Variants in IL1RAPL1 observed in about 807,000 individuals in gnomAD.
The protein encoded by IL1RAPL1 is interleukin 1 receptor accessory protein like 1, also known as interleukin-1 receptor accessory protein-like 1.
IL1RAPL1 carries 3 observed loss-of-function variants against 48.4 expected under a neutral mutation model. The ratio of observed to expected loss-of-function variants is 0.06; its 90% confidence interval spans 0.03 to 0.16. IL1RAPL1 has a LOEUF of 0.16. Ranked by LOEUF, IL1RAPL1 falls within the 10% of genes least tolerant of loss-of-function variation. The pLI, the probability that IL1RAPL1 is intolerant of heterozygous loss-of-function variation, is 1.00. For synonymous variants in IL1RAPL1, 185 were observed against 187.7 expected, an observed-to-expected ratio of 0.99 and a Z score of 0.12; for missense variants, 349 against 530.6, an observed-to-expected ratio of 0.66 and a Z score of 3.36.
At chrX:28,967,628 GCACTTGACATTTAAATACCTAGAT>G (rs1924952418) in intron 2 of IL1RAPL1, among the ~76,000 whole-genome samples, 1 of 111,277 alleles carries the variant, frequency 9.0e-6, no homozygotes, top group Admixed American at 9.6e-5. Flanking sequence ...ATCATTACAA[GCACTTGACATTTAAATACCTAGAT>G]CAAACCATTC....
At chrX:29,233,799 C>G (rs1602126022) in intron 2 of IL1RAPL1, among the ~76,000 whole-genome samples, 1 of 112,468 alleles carries the variant, frequency 8.9e-6, no homozygotes, top group Admixed American at 9.4e-5. Context: ...CTGGGTGGGC[C>G]TGACTTTATC....
At chrX:28,950,273 G>A (rs997557579) in intron 2 of IL1RAPL1, among the ~76,000 whole-genome samples, 1 of 65,149 alleles carries the variant, frequency 1.5e-5, no homozygotes, top group Non-Finnish European at 2.8e-5. Flanking sequence ...TATTTCTGAG[G>A]GCTCTGTTCT....
At chrX:29,488,646 CATATAACTATGAGAGGTGGTGCAT>C (rs1935123164) in intron 5 of IL1RAPL1, among the ~76,000 whole-genome samples, 1 of 104,038 alleles carries the variant, frequency 9.6e-6, no homozygotes, top group African/African-American at 3.5e-5. Flanking sequence ...AGGTGGTGCA[CATATAACTATGAGAGGTGGTGCAT>C]ATATAACTAT....
chrX:29,668,752 A>G (rs757977228), intron 6 of IL1RAPL1, among the ~76,000 whole-genome samples: 2 of 111,721 alleles, frequency 1.8e-5, no homozygotes, highest in Non-Finnish European at 3.8e-5. Flanking sequence ...AGATAGGCTG[A>G]TGATTTTAGT....
At chrX:29,311,944 A>G (rs780644470) in intron 3 of IL1RAPL1, among the ~76,000 whole-genome samples, 2 of 112,152 alleles carry the variant, frequency 1.8e-5, no homozygotes, top group Admixed American at 9.5e-5. Context: ...GGGCTTGGCA[A>G]TATTGAGATA....
chrX:29,823,260 T>A (rs1358101586), intron 6 of IL1RAPL1, among the ~76,000 whole-genome samples: 1 of 111,698 alleles, frequency 9.0e-6, no homozygotes, highest in East Asian at 2.8e-4. Context: ...ATTTAATTGG[T>A]CACATGGAAG....
chrX:29,802,775 ATATATATGTGTG>A (rs1469340105), intron 6 of IL1RAPL1, among the ~76,000 whole-genome samples: 16 of 30,663 alleles, frequency 5.2e-4, no homozygotes, highest in East Asian at 4.4e-3. Context: ...ATATATATAT[ATATATATGTGTG>A]TGTGTATATA....
chrX:29,911,418 T>C (rs914653385), intron 6 of IL1RAPL1, among the ~76,000 whole-genome samples: 18 of 111,850 alleles, frequency 1.6e-4, no homozygotes, highest in African/African-American at 5.5e-4. Context: ...TGTACAATTC[T>C]GTGCATATAC....
At chrX:29,646,844 T>C (rs1336130825) in intron 5 of IL1RAPL1, among the ~76,000 whole-genome samples, 1 of 110,627 alleles carries the variant, frequency 9.0e-6, no homozygotes, top group Non-Finnish European at 1.9e-5. Context: ...CCACCAAAAA[T>C]ACCGTACCAA....
At chrX:29,203,667 T>C (rs1415839395) in intron 2 of IL1RAPL1, among the ~76,000 whole-genome samples, 1 of 103,837 alleles carries the variant, frequency 9.6e-6, no homozygotes, top group Non-Finnish European at 1.9e-5. Context: ...TGCAGTGAGC[T>C]GAGATCGTAC....
intron 1 of IL1RAPL1, among the ~76,000 whole-genome samples, chrX:28,757,090 C>T (rs1936114336): frequency 8.9e-6 from 1 of 112,481 alleles, no homozygotes; most frequent in Non-Finnish European, 1.9e-5. Flanking sequence ...CACAGTTTCC[C>T]ATGAAGGAAG....
intron 5 of IL1RAPL1, among the ~76,000 whole-genome samples, chrX:29,590,693 G>C (rs1414872812): frequency 9.0e-6 from 1 of 111,699 alleles, no homozygotes; most frequent in Non-Finnish European, 1.9e-5. Flanking sequence ...CTCCACCTCA[G>C]ACATCAAATG....
chrX:28,594,149 G>A (rs959831552), intron 1 of IL1RAPL1, among the ~76,000 whole-genome samples: 5 of 111,328 alleles, frequency 4.5e-5, no homozygotes, highest in African/African-American at 1.6e-4. Flanking sequence ...CATATGTCTA[G>A]AGGCAAAATA....
chrX:29,548,513 C>T (rs900570715), intron 5 of IL1RAPL1, among the ~76,000 whole-genome samples: 1 of 111,961 alleles, frequency 8.9e-6, no homozygotes, highest in African/African-American at 3.2e-5. Context: ...ATGACTATTG[C>T]AATATGCCAC....
rs893581028 is a variant in IL1RAPL1, at chrX:28,791,585, C to T, written c.82+2160C>T. ...CAGTTGTCACGTAATTATATAATAC[C>T]TTCTAAACCAAATGTGTTTTCTATA... is the stretch of plus-strand genomic sequence containing the variant. On this transcript the variant is annotated intron_variant, in intron 2 of 10. Transcript: ENST00000378993. Among the ~76,000 whole-genome samples, 12 of 111,587 alleles carry T rather than the reference C, an allele frequency of 1.1e-4. No individual in the cohort carries two copies. In the Admixed American group the frequency reaches 1.1e-3, roughly 11 times the overall value.
intron 3 of IL1RAPL1, among the ~76,000 whole-genome samples, chrX:29,373,604 C>A (rs779862205): frequency 1.8e-5 from 2 of 110,283 alleles, no homozygotes; most frequent in African/African-American, 6.6e-5. Flanking sequence ...ATGCTTAGTT[C>A]TTTGATGTTG....
At chrX:29,644,556 T>C in intron 5 of IL1RAPL1, among the ~76,000 whole-genome samples, 1 of 106,335 alleles carries the variant, frequency 9.4e-6, no homozygotes, top group Non-Finnish European at 1.9e-5. Context: ...GTTTTTTTTT[T>C]TGTTTTGTTT....
intron 2 of IL1RAPL1, among the ~76,000 whole-genome samples, chrX:28,962,882 ATGTGTGTG>A (rs56826606): frequency 0.041 from 3,901 of 95,971 alleles, 75 homozygotes; most frequent in East Asian, 0.074. Flanking sequence ...GTCTGTGTGT[ATGTGTGTG>A]TGTGTGTGTG....
intron 5 of IL1RAPL1, among the ~76,000 whole-genome samples, chrX:29,497,216 T>C (rs1935223749): frequency 8.9e-6 from 1 of 112,357 alleles, no homozygotes; most frequent in Non-Finnish European, 1.9e-5. Flanking sequence ...TAAAATTTCC[T>C]GCATGTTGAT....
Sources: gnomAD v4.1 joint callset for allele counts (sites outside exome capture counted in the v4.1 genomes callset) on GRCh38, gnomAD v4.1.1 for gene constraint, MANE v1.5 for transcripts, NCBI Gene and HGNC (gene_info 2026-07-23, HGNC 2026-07-21) for gene names.